The following NISCH variants were observed in gnomAD, a reference collection of about 807,000 sequenced individuals.
The protein encoded by NISCH is nischarin, also known as I-1 receptor candidate protein.
Under a neutral mutation model 138.4 loss-of-function variants are expected in NISCH, and 55 were observed. The observed-to-expected ratio is 0.40, with a 90% CI of 0.32 to 0.50. The LOEUF (loss-of-function observed/expected upper bound fraction) is 0.50. Among genes scored for constraint, NISCH ranks in the 20% least tolerant of loss-of-function variants. NISCH has a pLI of 0.71. For synonymous variants in NISCH, 860 were observed against 861.5 expected, an observed-to-expected ratio of 1.00 and a Z score of 0.03; for missense variants, 1,643 against 2,005.5, an observed-to-expected ratio of 0.82 and a Z score of 3.45.
At chr3:52,468,865 T>G (rs1001509399) in intron 3 of NISCH, among the ~76,000 whole-genome samples, 3 of 151,990 alleles carry the variant, frequency 2.0e-5, no homozygotes, top group Non-Finnish European at 4.4e-5. Flanking sequence ...ATTTTTATAA[T>G]TGTGGAGTGA....
At position 52,458,678 on chromosome 3, in the gene NISCH, A is replaced by G. The variant is rs779334847; in HGVS notation, c.194A>G (p.Lys65Arg). Residue 65 changes from lysine (K) to arginine (R), a missense_variant, in exon 3 of 21, where the codon AAG (lysine) becomes AGG (arginine). Physicochemically the swap from Lys to Arg is conservative, Grantham distance 26 (BLOSUM62 2). Transcript: ENST00000345716. ...DLHEKLVAERKIDKNLLPPKK... is the reference protein window; with the variant it reads ...DLHEKLVAERRIDKNLLPPKK... ...TTTTTACAGCTCGTTGCAGAGAGAA[A>G]GATTGATAAAAATCTGCTTCCGCCC... The G allele has an allele frequency of 8.7e-6, 14 of 1,612,840 alleles. No homozygotes were observed. The highest frequency in any genetic ancestry group is 4.0e-5 in the African/African-American group (3 of 74,674).
At chr3:52,460,906 C>G (rs906294764) in intron 3 of NISCH, among the ~76,000 whole-genome samples, 1 of 151,994 alleles carries the variant, frequency 6.6e-6, no homozygotes, top group Non-Finnish European at 1.5e-5. Flanking sequence ...TTGAAGTAAC[C>G]TGTGGATTAT....
chr3:52,475,541 A>G (rs1707075758), intron 7 of NISCH: 1 of 152,210 alleles, frequency 6.6e-6, no homozygotes, highest in Non-Finnish European at 1.5e-5. Flanking sequence ...CTGAGAAGCT[A>G]GAAAAGACGG....
rs1707577646 is a variant in NISCH at position 52,491,983 on chromosome 3, C to T, written c.4016C>T (p.Pro1339Leu). 1 of 1,613,450 alleles carries T rather than the reference C, an allele frequency of 6.2e-7. No homozygotes were observed. Residue 1339 changes from proline (P) to leucine (L), a missense_variant, in exon 21 of 21, where the codon CCA becomes CTA. Physicochemically the swap from Pro to Leu is moderately conservative, Grantham distance 98. Coordinates refer to ENST00000345716, the MANE Select transcript of NISCH (RefSeq NM_007184.4). ...TFTVAQKMAE[P>L]EKAPALSILL... ...ACTGTGGCCCAAAAGATGGCTGAGC[C>T]AGAGAAGGCCCCAGCCCTCAGCATC...
intron 3 of NISCH, among the ~76,000 whole-genome samples, chr3:52,462,803 A>T (rs555386908): frequency 6.6e-6 from 1 of 151,670 alleles, no homozygotes; most frequent in Admixed American, 6.6e-5. Flanking sequence ...CACCCAGCTA[A>T]TTTTTTGTAT....
chr3:52,458,026 A>G (rs1166360761), intron 2 of NISCH, 100 bp downstream of exon 2: 6 of 833,054 alleles, frequency 7.2e-6, no homozygotes, highest in African/African-American at 1.7e-5. Flanking sequence ...AACAGGTTCC[A>G]TCTCTATAGT....
At chr3:52,480,751 A>C in intron 13 of NISCH, 1 of 1,430,816 alleles carries the variant, frequency 7.0e-7, no homozygotes, top group South Asian at 1.6e-5. Context: ...GGGGTGACCC[A>C]GCCCCAGAAC....
intron 3 of NISCH, among the ~76,000 whole-genome samples, chr3:52,461,615 G>A (rs894098445): frequency 6.6e-6 from 1 of 152,200 alleles, no homozygotes; most frequent in Non-Finnish European, 1.5e-5. Flanking sequence ...TGTAATCCCA[G>A]CACTTTGGGA....
intron 8 of NISCH, 147 bp downstream of exon 8, chr3:52,476,746 A>C: frequency 1.2e-6 from 1 of 832,884 alleles, no homozygotes; most frequent in South Asian, 1.7e-5. Context: ...TTAATTACAA[A>C]ATGGGGGCTG....
chr3:52,470,949 G>A (rs760337657), intron 4 of NISCH, 42 bp downstream of exon 4: 3 of 1,606,222 alleles, frequency 1.9e-6, no homozygotes, highest in Admixed American at 1.7e-5. Context: ...CATAAGTTGT[G>A]TAGTTTTATG....
At position 52,487,642 on chromosome 3, in the gene NISCH, A is replaced by T. The variant is rs758874650; in HGVS notation, c.2150A>T (p.His717Leu). The T allele has an allele frequency of 6.2e-7, 1 of 1,613,662 alleles. No individual in the cohort carries two copies. Residue 717 changes from histidine to leucine, a missense_variant, in exon 16 of 21, where the codon CAT becomes CTT. Coordinates refer to ENST00000345716, the MANE Select transcript of NISCH (RefSeq NM_007184.4). The surrounding 1 kb of genome is among the most constrained non-coding windows in gnomAD (Gnocchi z 9.1). The stretch of plus-strand genomic sequence containing the variant: ...AAGGTGCTGTGGTGCTTCCTGATCC[A>T]TGTGCAGGGCAGTATCCGCCAGTTC... ...ILKVLWCFLI[H>L]VQGSIRQFAA...
chr3:52,488,943 G>T (rs1326420814), intron 16 of NISCH, among the ~76,000 whole-genome samples: 1 of 152,196 alleles, frequency 6.6e-6, no homozygotes, highest in Non-Finnish European at 1.5e-5. Flanking sequence ...CCGAGGCCAG[G>T]AGAGCTGTCA....
intron 20 of NISCH, 53 bp downstream of exon 20, chr3:52,491,566 GC>G (rs1391710610): frequency 6.5e-6 from 10 of 1,549,448 alleles, no homozygotes; most frequent in Non-Finnish European, 8.7e-6. Context: ...GACGTCATGG[GC>G]CCCAGGGTGG....
chr3:52,490,695 C>T lies in NISCH; in HGVS notation c.3614-10C>T, dbSNP rs1707538819. ...CACCGCCTCCCTCTGTCCCTTTCTC[C>T]ATCACACAGATTTCTGGCATCAGAA... On this transcript the variant is annotated splice_polypyrimidine_tract_variant and intron_variant, in intron 18 of 20. Transcript: ENST00000345716. 1.2e-6 allele frequency: 2 copies of T among 1,614,028 alleles called. No individual in the cohort carries two copies. Among genetic ancestry groups the T allele is most frequent in the African/African-American group, 2.7e-5 (2 of 74,938 alleles).
intron 7 of NISCH, among the ~76,000 whole-genome samples, chr3:52,474,294 T>C (rs1219224433): frequency 6.6e-6 from 1 of 151,520 alleles, no homozygotes; most frequent in East Asian, 2.0e-4. Flanking sequence ...TTGTTTTTTG[T>C]TGTTGTTGTT....
intron 15 of NISCH, 116 bp downstream of exon 15, chr3:52,485,943 T>A: frequency 1.1e-6 from 1 of 885,890 alleles, no homozygotes; most frequent in Non-Finnish European, 1.8e-6. Context: ...ACAGAAGGCC[T>A]ATAGAACTAT....
At chr3:52,455,906 C>T (rs1044226287) in intron 1 of NISCH, among the ~76,000 whole-genome samples, 172 bp downstream of exon 1, 5 of 149,886 alleles carry the variant, frequency 3.3e-5, no homozygotes, top group Admixed American at 2.7e-4. Flanking sequence ...CTGGGCCCCG[C>T]AGGTCCGGGA....
chr3:52,480,853 C>G, intron 13 of NISCH: 1 of 1,534,020 alleles, frequency 6.5e-7, no homozygotes, highest in South Asian at 1.2e-5. Flanking sequence ...TTAGCGTTTT[C>G]AAAGGGCTTT....
At position 52,489,398 on chromosome 3, in the gene NISCH, C is replaced by A; in HGVS notation, c.3176C>A (p.Pro1059Gln). The A allele has an allele frequency of 6.2e-7, 1 of 1,609,526 alleles. No individual in the cohort carries two copies. Among genetic ancestry groups the A allele is most frequent in the South Asian group, 1.1e-5 (1 of 90,954 alleles). The change falls in exon 17 of 21, where the codon CCA (proline) becomes CAA (glutamine). Residue 1059 changes from proline to glutamine, a missense_variant. Transcript: ENST00000345716. The part of the protein sequence containing the change: ...EALAPAPAEV[P>Q]APAPAAASAS... ...CTGGCCCCGGCCCCAGCGGAAGTCC[C>A]AGCTCCAGCCCCTGCAGCAGCCTCA...
Sources: allele counts gnomAD v4.1 joint callset (sites outside exome capture counted in the v4.1 genomes callset), GRCh38; gene constraint gnomAD v4.1.1; non-coding constraint Gnocchi (gnomAD v3.1); transcripts MANE v1.5; gene names NCBI Gene and HGNC (gene_info 2026-07-23, HGNC 2026-07-21).